MACROD2: variants seen among roughly 807,000 people sequenced by gnomAD.
MACROD2 encodes ADP-ribose glycohydrolase MACROD2.
In MACROD2, 36 loss-of-function variants were observed where a neutral mutation model predicts 70.4. That is an observed-to-expected ratio of 0.51 (90% CI 0.39 to 0.68). MACROD2 has a LOEUF of 0.68. MACROD2 is among the 30% of genes least tolerant of loss of function. MACROD2 has a pLI of 0.00. For missense variants in MACROD2, 496 were observed against 538.4 expected (o/e 0.92, Z 0.78); for synonymous variants, 172 against 178.8 (o/e 0.96, Z 0.30).
At chr20:14,368,590 C>T (rs1026740244) in intron 3 of MACROD2, among the ~76,000 whole-genome samples, 7 of 151,690 alleles carry the variant, frequency 4.6e-5, no homozygotes, top group Admixed American at 2.6e-4. Flanking sequence ...AATATGATAA[C>T]GTATTAAATC....
At chr20:15,558,665 G>T (rs1343034695) in intron 8 of MACROD2, among the ~76,000 whole-genome samples, 1 of 152,114 alleles carries the variant, frequency 6.6e-6, no homozygotes, top group Non-Finnish European at 1.5e-5. Flanking sequence ...AATTTGAAAA[G>T]TTATATTCCT....
chr20:14,666,973 A>G (rs191595037), intron 4 of MACROD2, among the ~76,000 whole-genome samples: 2 of 151,676 alleles, frequency 1.3e-5, no homozygotes, highest in African/African-American at 2.4e-5. Context: ...ACTGAAGGCT[A>G]CTAGATAGTC....
intron 5 of MACROD2, among the ~76,000 whole-genome samples, chr20:14,806,084 C>T (rs1178359317): frequency 6.6e-6 from 1 of 152,084 alleles, no homozygotes; most frequent in African/African-American, 2.4e-5. Flanking sequence ...TTAGTTATAA[C>T]TTAGTTGGAA....
At chr20:14,843,780 T>C (rs2122283945) in intron 5 of MACROD2, among the ~76,000 whole-genome samples, 1 of 152,256 alleles carries the variant, frequency 6.6e-6, no homozygotes, top group South Asian at 2.1e-4. Context: ...TGCCCACTCT[T>C]GTTAACTCCT....
At chr20:14,654,730 T>C (rs910054376) in intron 4 of MACROD2, among the ~76,000 whole-genome samples, 4 of 152,186 alleles carry the variant, frequency 2.6e-5, no homozygotes, top group African/African-American at 9.7e-5. Context: ...ATTTTAAATG[T>C]GTAGGTAAGA....
chr20:14,021,772 G>A (rs911492471), intron 2 of MACROD2, among the ~76,000 whole-genome samples: 1 of 152,248 alleles, frequency 6.6e-6, no homozygotes, highest in African/African-American at 2.4e-5. Context: ...ACAGTCCAGA[G>A]TGGGTATACA....
intron 2 of MACROD2, among the ~76,000 whole-genome samples, chr20:14,071,856 G>T (rs895450931): frequency 6.6e-6 from 1 of 151,988 alleles, no homozygotes; most frequent in African/African-American, 2.4e-5. Flanking sequence ...GATTGCTTGA[G>T]GCCAGGAGTT....
chr20:14,600,343 T>TATATATATATATATATATATACACAC (rs1320891260), intron 4 of MACROD2, among the ~76,000 whole-genome samples: 5 of 130,198 alleles, frequency 3.8e-5, no homozygotes, highest in African/African-American at 1.6e-4. Context: ...TATATATATA[T>TATATATATATATATATATATACACAC]ACACACACAC....
At chr20:14,359,884 T>C (rs939738223) in intron 3 of MACROD2, among the ~76,000 whole-genome samples, 4 of 151,314 alleles carry the variant, frequency 2.6e-5, no homozygotes, top group Admixed American at 6.6e-5. Context: ...GTAAAGAAAA[T>C]GTGGAATATA....
At chr20:14,946,768 A>T (rs2074436062) in intron 5 of MACROD2, among the ~76,000 whole-genome samples, 1 of 152,220 alleles carries the variant, frequency 6.6e-6, no homozygotes. Context: ...CACTCCAAGT[A>T]GGAATTCATA....
intron 6 of MACROD2, among the ~76,000 whole-genome samples, chr20:15,250,858 T>G (rs887432403): frequency 6.6e-6 from 1 of 152,190 alleles, no homozygotes; most frequent in African/African-American, 2.4e-5. Context: ...CCCTGCTAAT[T>G]ATTGGATCCA....
chr20:14,991,567 G>A (rs984036281), intron 5 of MACROD2, among the ~76,000 whole-genome samples: 1 of 152,160 alleles, frequency 6.6e-6, no homozygotes, highest in African/African-American at 2.4e-5. Context: ...CAAGAGACAA[G>A]ACTATGATAA....
chr20:14,462,487 C>A (rs1239125765), intron 3 of MACROD2, among the ~76,000 whole-genome samples: 3 of 151,910 alleles, frequency 2.0e-5, no homozygotes, highest in Non-Finnish European at 4.4e-5. Flanking sequence ...TGTAGGTTGC[C>A]TGTTCACTCT....
At chr20:15,880,347 G>T (rs920681341) in intron 9 of MACROD2, among the ~76,000 whole-genome samples, 1 of 151,886 alleles carries the variant, frequency 6.6e-6, no homozygotes, top group Non-Finnish European at 1.5e-5. Context: ...TTTTACAGAT[G>T]TTTTTCCCTC....
At chr20:14,086,078 C>T (rs1040396708) in intron 3 of MACROD2, 1 of 242,420 alleles carries the variant, frequency 4.1e-6, no homozygotes, top group African/African-American at 2.3e-5. Flanking sequence ...AATACAAGCT[C>T]ATCAAGCTTT....
chr20:15,323,763 T>A (rs1298141860), intron 6 of MACROD2, among the ~76,000 whole-genome samples: 1 of 152,146 alleles, frequency 6.6e-6, no homozygotes, highest in Admixed American at 6.6e-5. Context: ...ATGACTCTAG[T>A]TTATACTCTC....
chr20:14,331,187 G>A (rs1214732624), intron 3 of MACROD2, among the ~76,000 whole-genome samples: 2 of 151,984 alleles, frequency 1.3e-5, no homozygotes, highest in Non-Finnish European at 2.9e-5. Flanking sequence ...CCAAGGTGAT[G>A]ATCATAATGA....
chr20:15,613,021 C>T (rs921758337), intron 8 of MACROD2, among the ~76,000 whole-genome samples: 1 of 152,038 alleles, frequency 6.6e-6, no homozygotes, highest in African/African-American at 2.4e-5. Context: ...AATCATTTTC[C>T]CTGTGGCAAA....
intron 4 of MACROD2, among the ~76,000 whole-genome samples, chr20:14,561,636 A>G (rs1165618190): frequency 1.3e-5 from 2 of 151,810 alleles, no homozygotes; most frequent in African/African-American, 2.4e-5. Context: ...TGATGGTATT[A>G]TTATCTCAGT....
Sources: gnomAD v4.1 joint callset for allele counts (sites outside exome capture counted in the v4.1 genomes callset) on GRCh38, gnomAD v4.1.1 for gene constraint, MANE v1.5 for transcripts, NCBI Gene and HGNC (gene_info 2026-07-23, HGNC 2026-07-21) for gene names.